Variants in RBBP7 observed in about 807,000 individuals in gnomAD.
RBBP7 encodes the protein histone-binding protein RBBP7.
In RBBP7, 5 loss-of-function variants were observed where a neutral mutation model predicts 35.2. The observed-to-expected ratio is 0.14, with a 90% CI of 0.07 to 0.30. RBBP7 has a LOEUF of 0.30. Among genes scored for constraint, RBBP7 ranks in the 10% least tolerant of loss-of-function variants. The probability of loss-of-function intolerance (pLI) is 1.00; values close to 1 mark genes in which losing one functional copy is unlikely to be tolerated. For synonymous variants in RBBP7, 140 were observed against 118.7 expected, an observed-to-expected ratio of 1.18 and a Z score of -1.17; for missense variants, 155 against 327.5, an observed-to-expected ratio of 0.47 and a Z score of 4.07.
chrX:16,864,542 A>AAAAAAAAAAAAAAGAAAAAG (rs1569063331), intron 2 of RBBP7, among the ~76,000 whole-genome samples: 4 of 40,711 alleles, frequency 9.8e-5, no homozygotes, highest in African/African-American at 4.3e-4. Flanking sequence ...AAAAAAAAAA[A>AAAAAAAAAAAAAAGAAAAAG]AAAAAGAAAA....
At chrX:16,867,549 T>C (rs1930654621) in intron 2 of RBBP7, among the ~76,000 whole-genome samples, 1 of 111,958 alleles carries the variant, frequency 8.9e-6, no homozygotes, top group South Asian at 3.7e-4. Context: ...CCCACATCTG[T>C]ACATTTATAT....
chrX:16,862,414 C>A (rs1930498882), intron 3 of RBBP7, among the ~76,000 whole-genome samples: 1 of 111,512 alleles, frequency 9.0e-6, no homozygotes. Context: ...ACAAAAAATA[C>A]CCATTGCACA....
intron 9 of RBBP7, among the ~76,000 whole-genome samples, chrX:16,851,380 T>G (rs1265164288): frequency 8.9e-6 from 1 of 112,134 alleles, no homozygotes; most frequent in East Asian, 2.8e-4. Context: ...TGATTTAAAC[T>G]TAAGATGACA....
chrX:16,854,767 T>C (rs1055410889), intron 5 of RBBP7, among the ~76,000 whole-genome samples: 22 of 108,462 alleles, frequency 2.0e-4, no homozygotes, highest in Admixed American at 7.9e-4. Flanking sequence ...GCAGAGGCCA[T>C]GGGGCCTCTG....
chrX:16,845,440 C>T (rs1037399099), intron 11 of RBBP7, among the ~76,000 whole-genome samples: 2 of 112,277 alleles, frequency 1.8e-5, no homozygotes, highest in African/African-American at 6.5e-5. Context: ...ATGTCAGCTA[C>T]TTAGTGCTCA....
chrX:16,860,685 GA>G (rs1316799740), intron 3 of RBBP7, among the ~76,000 whole-genome samples: 42 of 62,274 alleles, frequency 6.7e-4, no homozygotes, highest in South Asian at 1.4e-3. Flanking sequence ...AAAAAAAAAA[GA>G]AAAAAAAAAA....
intron 3 of RBBP7, among the ~76,000 whole-genome samples, chrX:16,861,167 C>T (rs926818166): frequency 1.2e-4 from 14 of 112,182 alleles, no homozygotes; most frequent in African/African-American, 4.5e-4. Flanking sequence ...GAGCGAGACC[C>T]TGCCTCATAA....
intron 2 of RBBP7, among the ~76,000 whole-genome samples, chrX:16,867,103 G>C (rs1930642489): frequency 8.9e-6 from 1 of 111,927 alleles, no homozygotes; most frequent in African/African-American, 3.3e-5. Flanking sequence ...TTTCTGAACA[G>C]GAAGGGGTGG....
At chrX:16,864,357 T>G (rs1705016750) in intron 2 of RBBP7, among the ~76,000 whole-genome samples, 1 of 109,332 alleles carries the variant, frequency 9.1e-6, no homozygotes, top group Admixed American at 9.7e-5. Context: ...CCATCTCTAT[T>G]AAAAATACAA....
Position 16,844,692 on chromosome X carries a change from G to A in RBBP7, c.*343C>T, listed in dbSNP as rs1930023889. Reference sequence around the variant, plus strand: ...ATTTCTGCAAAGCCAATCAAGAAGTGTTGGAAGGAAAAAGTGTAAAAGTTA... The same window carrying A: ...ATTTCTGCAAAGCCAATCAAGAAGTATTGGAAGGAAAAAGTGTAAAAGTTA... On this transcript the variant is annotated 3_prime_UTR_variant, in exon 12 of 12. Transcript: ENST00000380087. The A allele has an allele frequency of 7.5e-6, 1 of 132,707 alleles. No individual in the cohort carries two copies. The highest frequency in any genetic ancestry group is 9.2e-5 in the Admixed American group (1 of 10,843). The allele number at this position is 132,707 out of a possible 1,213,427, so 10.9% of individuals were successfully genotyped here.
intron 9 of RBBP7, among the ~76,000 whole-genome samples, chrX:16,849,875 T>C (rs947993879): frequency 2.7e-5 from 3 of 112,381 alleles, no homozygotes; most frequent in African/African-American, 9.7e-5. Context: ...TCTAAAGATA[T>C]GGCAATAAAA....
chrX:16,844,886 AG>A lies in RBBP7; in HGVS notation c.*148del. 2.2e-6 allele frequency: 1 copy of A among 459,735 alleles called. No homozygotes were observed. The highest frequency in any genetic ancestry group is 3.9e-6 in the Non-Finnish European group (1 of 259,299). 37.9% of individuals were successfully genotyped at this position (459,735 alleles called of 1,213,427 possible). A position where few individuals can be genotyped will look rare whatever the true frequency, so the allele number is the denominator to read the frequency against. ...GCTACAATATGATACAGTACGCAAC[AG>A]CTCACTTGAAAGTGCTAGAATCAGA... On this transcript the variant is annotated 3_prime_UTR_variant, in exon 12 of 12. Transcript: ENST00000380087.
At chrX:16,867,799 G>GTA (rs1279144848) in intron 2 of RBBP7, among the ~76,000 whole-genome samples, 1 of 109,266 alleles carries the variant, frequency 9.2e-6, no homozygotes, top group African/African-American at 3.3e-5. Context: ...CTGCCTCCCT[G>GTA]TAGCCTGTAG....
At chrX:16,869,696 ACG>A (rs772508356) in intron 1 of RBBP7, 196 of 1,012,109 alleles carry the variant, frequency 1.9e-4, no homozygotes, top group South Asian at 4.5e-4. Flanking sequence ...GAGGCGGTCA[ACG>A]CGCGCGCGCG....
intron 3 of RBBP7, among the ~76,000 whole-genome samples, chrX:16,862,000 C>T (rs760913667): frequency 8.9e-6 from 1 of 111,952 alleles, no homozygotes. Flanking sequence ...CCTCAAGTTA[C>T]AGTTGCTGTG....
chrX:16,848,309 C>T (rs1349532952), intron 10 of RBBP7: 4 of 111,557 alleles, frequency 3.6e-5, no homozygotes, highest in African/African-American at 1.3e-4. Flanking sequence ...AAGAACACTC[C>T]CTCCCCACTG....
In RBBP7 at chrX:16,869,419, C is replaced by T. The variant is rs1930711117; in HGVS notation, c.17-199G>A. On this transcript the variant is annotated intron_variant, in intron 1 of 11. Transcript: ENST00000380087. Reference sequence around the variant, plus strand: ...CCTATTTTTTCCATTGAGATCAATACCCCCTGCGTACACCATGTTGGGTAG... The same window carrying T: ...CCTATTTTTTCCATTGAGATCAATATCCCCTGCGTACACCATGTTGGGTAG... 1.4e-5 allele frequency: 15 copies of T among 1,108,724 alleles called. No individual in the cohort carries two copies. In the Admixed American group the frequency reaches 2.0e-4, roughly 15 times the overall value. The allele number at this position is 1,108,724 out of a possible 1,213,427, so 91.4% of individuals were successfully genotyped here.
At position 16,863,116 on chromosome X, in the gene RBBP7, A is replaced by T. The variant is rs1420877216; in HGVS notation, c.162-16T>A. On this transcript the variant is annotated splice_polypyrimidine_tract_variant and intron_variant, in intron 2 of 11. Transcript: ENST00000380087. ...TCCTTCAGGTCTGTTTAAGAAAGAA[A>T]ATAAGTCACACTAATCCTACAAGAA... 4 of 1,196,197 alleles carry T rather than the reference A, an allele frequency of 3.3e-6. No homozygotes were observed. The highest frequency in any genetic ancestry group is 4.5e-6 in the Non-Finnish European group (4 of 884,662).
Position 16,852,117 on chromosome X carries a change from G to A in RBBP7, c.969C>T (p.His323=). ...GAATAGTTTCATTATGTGGAGACCA[G>A]TGGACCTAGTAATAGATAATTTTGA... ...ESHKDEIFQV[H]WSPHNETILA... is the part of the protein sequence containing the mutation. Residue 323 remains histidine, a synonymous_variant, in exon 9 of 12, where the codon CAC becomes CAT. Coordinates refer to ENST00000380087, the MANE Select transcript of RBBP7 (RefSeq NM_002893.4). 1 of 1,187,780 alleles carries A rather than the reference G, an allele frequency of 8.4e-7. No homozygotes were observed. Among genetic ancestry groups the A allele is most frequent in the Non-Finnish European group, 1.1e-6 (1 of 874,148 alleles).
Sources: allele counts gnomAD v4.1 joint callset (sites outside exome capture counted in the v4.1 genomes callset), GRCh38; gene constraint gnomAD v4.1.1; transcripts MANE v1.5; gene names NCBI Gene and HGNC (gene_info 2026-07-23, HGNC 2026-07-21).